PHLDB2: variants seen among roughly 807,000 people sequenced by gnomAD.
The protein encoded by PHLDB2 is pleckstrin homology-like domain family B member 2.
PHLDB2 carries 71 observed loss-of-function variants against 123.6 expected under a neutral mutation model. That is an observed-to-expected ratio of 0.57 (90% CI 0.47 to 0.70). PHLDB2 has a LOEUF of 0.70. Among genes scored for constraint, PHLDB2 ranks in the 30% least tolerant of loss-of-function variants. The pLI is 0.00. For missense variants in PHLDB2, 1,446 were observed against 1,519.5 expected (o/e 0.95, Z 0.80); for synonymous variants, 547 against 541.6 (o/e 1.01, Z -0.14).
chr3:111,974,647 A>C lies in PHLDB2; in HGVS notation c.*84A>C. 1 of 1,343,190 alleles carries C rather than the reference A, an allele frequency of 7.4e-7. No individual in the cohort carries two copies. Among genetic ancestry groups the C allele is most frequent in the South Asian group, 1.9e-5 (1 of 53,126 alleles). The allele number at this position is 1,343,190 out of a possible 1,614,324, so 83.2% of individuals were successfully genotyped here. A position where few individuals can be genotyped will look rare whatever the true frequency, so the allele number is the denominator to read the frequency against. On this transcript the variant is annotated 3_prime_UTR_variant, in exon 18 of 18. Coordinates refer to ENST00000431670, the MANE Select transcript of PHLDB2 (RefSeq NM_001134438.2). ...GCCATATTCAACCCCAGATGAGAAA[A>C]CCCAACAGATCCATCCCTTGAGCTG...
At chr3:111,850,124 G>C (rs1387995063) in intron 2 of PHLDB2, among the ~76,000 whole-genome samples, 1 of 151,476 alleles carries the variant, frequency 6.6e-6, no homozygotes, top group Middle Eastern at 3.3e-3. Flanking sequence ...GCCTCCCCAA[G>C]TGCTAGGATT....
At chr3:111,829,918 A>T (rs2062856980) in intron 1 of PHLDB2, among the ~76,000 whole-genome samples, 1 of 144,600 alleles carries the variant, frequency 6.9e-6, no homozygotes, top group Non-Finnish European at 1.5e-5. Flanking sequence ...AACTGACAGA[A>T]CTATTCAAAA....
At chr3:111,942,498 A>G (rs1022597567) in intron 8 of PHLDB2, among the ~76,000 whole-genome samples, 21 of 152,254 alleles carry the variant, frequency 1.4e-4, no homozygotes, top group African/African-American at 5.1e-4. Flanking sequence ...CAATATGCAC[A>G]TTCCCAGCTG....
At chr3:111,788,990 G>A (rs895204179) in intron 1 of PHLDB2, among the ~76,000 whole-genome samples, 1 of 152,218 alleles carries the variant, frequency 6.6e-6, no homozygotes, top group Non-Finnish European at 1.5e-5. Context: ...ATCGTGGGTA[G>A]AGAAATGAAA....
chr3:111,753,522 T>G (rs1403579278), intron 1 of PHLDB2, among the ~76,000 whole-genome samples: 4 of 151,130 alleles, frequency 2.6e-5, no homozygotes, highest in African/African-American at 7.3e-5. Flanking sequence ...TAAATTTGTT[T>G]GAGTTCATTG....
chr3:111,748,879 A>G (rs997492657), intron 1 of PHLDB2, among the ~76,000 whole-genome samples: 2 of 152,066 alleles, frequency 1.3e-5, no homozygotes, highest in Non-Finnish European at 2.9e-5. Flanking sequence ...CTTATGCTAC[A>G]TTAGTTATAT....
chr3:111,945,893 T>A (rs1577157249), intron 9 of PHLDB2, among the ~76,000 whole-genome samples: 2 of 152,100 alleles, frequency 1.3e-5, no homozygotes, highest in East Asian at 3.8e-4. Flanking sequence ...CTGTACATAC[T>A]CTTTATCTCC....
At chr3:111,789,705 A>AG (rs1349745845) in intron 1 of PHLDB2, among the ~76,000 whole-genome samples, 640 of 152,312 alleles carry the variant, frequency 4.2e-3, no homozygotes, top group African/African-American at 0.015. Context: ...AATAATATAT[A>AG]TTATGTGCTT....
upstream of PHLDB2, among the ~76,000 whole-genome samples, chr3:111,855,921 G>C (rs1471384804): frequency 6.6e-6 from 1 of 152,120 alleles, no homozygotes; most frequent in Non-Finnish European, 1.5e-5. Context: ...ATGAGCCATT[G>C]AGCCTGGACT....
chr3:111,965,609 G>T (rs2071700432), intron 13 of PHLDB2, among the ~76,000 whole-genome samples: 1 of 152,112 alleles, frequency 6.6e-6, no homozygotes, highest in South Asian at 2.1e-4. Flanking sequence ...CAGGTTCTAT[G>T]CTACAGGGAT....
chr3:111,797,376 G>A (rs1370441482), intron 1 of PHLDB2, among the ~76,000 whole-genome samples: 1 of 152,188 alleles, frequency 6.6e-6, no homozygotes, highest in Non-Finnish European at 1.5e-5. Context: ...CACACACAGA[G>A]AGTAGTTATT....
intron 3 of PHLDB2, chr3:111,914,212 T>G (rs1403067711): frequency 1.5e-5 from 2 of 137,012 alleles, no homozygotes; most frequent in Non-Finnish European, 3.1e-5. Context: ...ATTTTCAGGG[T>G]TTTTTTTTTT....
intron 2 of PHLDB2, chr3:111,885,613 C>T (rs1284312909): frequency 5.3e-6 from 4 of 751,688 alleles, no homozygotes; most frequent in Non-Finnish European, 9.3e-6. Flanking sequence ...ATCTTGAAGG[C>T]CTCCAGGAAT....
chr3:111,755,878 C>T (rs1454581167), intron 1 of PHLDB2, among the ~76,000 whole-genome samples: 6 of 151,436 alleles, frequency 4.0e-5, no homozygotes, highest in Non-Finnish European at 2.9e-5. Context: ...TTTCAAAGAA[C>T]ATTTTTATTT....
chr3:111,933,321 A>T (rs148623502), intron 6 of PHLDB2, among the ~76,000 whole-genome samples: 114 of 152,312 alleles, frequency 7.5e-4, no homozygotes, highest in Middle Eastern at 3.4e-3. Flanking sequence ...CCATGTTATT[A>T]TGTTTGTACC....
intron 2 of PHLDB2, among the ~76,000 whole-genome samples, chr3:111,899,452 A>G (rs1405606502): frequency 2.0e-5 from 3 of 152,096 alleles, no homozygotes; most frequent in African/African-American, 7.2e-5. Flanking sequence ...TAATATTTTT[A>G]AAGGAATTTT....
At chr3:111,758,438 G>T (rs553618302) in intron 1 of PHLDB2, among the ~76,000 whole-genome samples, 2 of 152,202 alleles carry the variant, frequency 1.3e-5, no homozygotes, top group Admixed American at 1.3e-4. Context: ...CTGGTGCGCT[G>T]TTTTTTAAGC....
intron 8 of PHLDB2, among the ~76,000 whole-genome samples, chr3:111,944,669 G>A (rs1294976495): frequency 1.8e-5 from 2 of 108,920 alleles, no homozygotes; most frequent in African/African-American, 8.1e-5. Flanking sequence ...AATTTTTGTT[G>A]GTTTTTTTTT....
intron 1 of PHLDB2, among the ~76,000 whole-genome samples, chr3:111,863,869 A>C (rs2064946676): frequency 6.6e-6 from 1 of 152,226 alleles, no homozygotes; most frequent in African/African-American, 2.4e-5. Flanking sequence ...TAGCCTGATT[A>C]ATTACAAACA....
Sources: allele counts gnomAD v4.1 joint callset (sites outside exome capture counted in the v4.1 genomes callset), GRCh38; gene constraint gnomAD v4.1.1; transcripts MANE v1.5; gene names NCBI Gene and HGNC (gene_info 2026-07-23, HGNC 2026-07-21).